CSMD1: variants seen among roughly 807,000 people sequenced by gnomAD.
The protein encoded by CSMD1 is CUB and Sushi multiple domains 1.
Under a neutral mutation model 417.5 loss-of-function variants are expected in CSMD1, and 213 were observed. That is an observed-to-expected ratio of 0.51 (90% CI 0.46 to 0.57). The LOEUF is 0.57. Among genes scored for constraint, CSMD1 ranks in the 20% least tolerant of loss-of-function variants. CSMD1 has a pLI of 0.00. For synonymous variants in CSMD1, 2,862 were observed against 1,736.8 expected (o/e 1.65, Z -16.11); for missense variants, 6,923 against 4,529.7 (o/e 1.53, Z -15.17).
chr8:3,483,403 C>G (rs1194430273), intron 11 of CSMD1, among the ~76,000 whole-genome samples: 1 of 151,890 alleles, frequency 6.6e-6, no homozygotes, highest in African/African-American at 2.4e-5. Context: ...ACTGATTTGT[C>G]AAAAACTATT....
At chr8:4,348,686 A>G (rs1413198536) in intron 3 of CSMD1, among the ~76,000 whole-genome samples, 9 of 151,754 alleles carry the variant, frequency 5.9e-5, no homozygotes, top group East Asian at 1.9e-4. Flanking sequence ...TTGCGTACAT[A>G]TCCGCTTAAG....
At chr8:3,873,898 G>A (rs1805644623) in intron 5 of CSMD1, among the ~76,000 whole-genome samples, 1 of 152,136 alleles carries the variant, frequency 6.6e-6, no homozygotes, top group Non-Finnish European at 1.5e-5. Flanking sequence ...ACTGGGGGAG[G>A]TCACTGATCT....
At chr8:3,461,699 G>A (rs1190653275) in intron 12 of CSMD1, among the ~76,000 whole-genome samples, 2 of 152,196 alleles carry the variant, frequency 1.3e-5, no homozygotes, top group Non-Finnish European at 2.9e-5. Flanking sequence ...CATCCTTGCA[G>A]GAGGACTGGC....
chr8:4,936,750 T>C (rs900219850), intron 1 of CSMD1, among the ~76,000 whole-genome samples: 24 of 152,244 alleles, frequency 1.6e-4, no homozygotes, highest in African/African-American at 5.1e-4. Context: ...AAAACCCATA[T>C]TGGAATTGTC....
At chr8:4,282,862 T>C (rs1185191004) in intron 3 of CSMD1, among the ~76,000 whole-genome samples, 1 of 152,214 alleles carries the variant, frequency 6.6e-6, no homozygotes, top group African/African-American at 2.4e-5. Context: ...GTTCATTTTC[T>C]AAAGATCATA....
At chr8:3,783,738 C>T (rs2720749) in intron 5 of CSMD1, among the ~76,000 whole-genome samples, 25,955 of 152,174 alleles carry the variant, frequency 0.17, 2,484 homozygotes, top group East Asian at 0.3. Context: ...CTTACTCCTG[C>T]TATTCAGATC....
At chr8:4,507,600 T>C (rs901363938) in intron 2 of CSMD1, among the ~76,000 whole-genome samples, 1 of 152,174 alleles carries the variant, frequency 6.6e-6, no homozygotes, top group Non-Finnish European at 1.5e-5. Flanking sequence ...TAATGGGCCA[T>C]TGGTGGAAAC....
intron 5 of CSMD1, among the ~76,000 whole-genome samples, chr8:3,871,032 T>G (rs1356586213): frequency 6.6e-6 from 1 of 152,122 alleles, no homozygotes; most frequent in Non-Finnish European, 1.5e-5. Context: ...TCAATACATA[T>G]AAATCTCCAT....
rs893997738 is a variant in CSMD1 at position 4,071,703 on chromosome 8, T to C, written c.416-39604A>G. On this transcript the variant is annotated intron_variant, in intron 3 of 69. Transcript: ENST00000635120. ...TGTGAATTTGGTTTATTTTTGGAGA[T>C]TTTAGACTCTGTTATGCTCCTCCAA... 1.1e-4 allele frequency among the ~76,000 whole-genome samples: 17 copies of C among 152,204 alleles called. 1 individual carries two copies. The highest frequency in any genetic ancestry group is 3.9e-4 in the African/African-American group (16 of 41,452).
At chr8:3,643,674 C>G (rs943584399) in intron 7 of CSMD1, among the ~76,000 whole-genome samples, 2 of 135,618 alleles carry the variant, frequency 1.5e-5, no homozygotes, top group African/African-American at 5.7e-5. Context: ...GCACCCCAGC[C>G]TGGGCGACAG....
intron 52 of CSMD1, among the ~76,000 whole-genome samples, chr8:3,000,875 A>G (rs1451357206): frequency 6.6e-6 from 1 of 152,236 alleles, no homozygotes; most frequent in Admixed American, 6.5e-5. Context: ...CAGAATGTCC[A>G]TGTAGATAGT....
At chr8:3,679,295 A>G (rs541947752) in intron 7 of CSMD1, among the ~76,000 whole-genome samples, 3 of 152,264 alleles carry the variant, frequency 2.0e-5, no homozygotes, top group Admixed American at 1.3e-4. Context: ...AACCCATCTC[A>G]TGTGCAGAGA....
At chr8:4,712,683 A>T (rs1662535925) in intron 1 of CSMD1, among the ~76,000 whole-genome samples, 1 of 152,198 alleles carries the variant, frequency 6.6e-6, no homozygotes, top group Non-Finnish European at 1.5e-5. Context: ...TTTCACAAAT[A>T]GATAATAATA....
intron 2 of CSMD1, among the ~76,000 whole-genome samples, chr8:4,626,934 T>C (rs1292389121): frequency 6.6e-6 from 1 of 152,162 alleles, no homozygotes; most frequent in Non-Finnish European, 1.5e-5. Context: ...ATAAACAAAG[T>C]GCATCAGATT....
intron 4 of CSMD1, among the ~76,000 whole-genome samples, chr8:4,026,230 G>C (rs1177421404): frequency 1.3e-5 from 2 of 152,122 alleles, no homozygotes; most frequent in Non-Finnish European, 2.9e-5. Flanking sequence ...AAACTGTGCT[G>C]CATCATTCAA....
chr8:4,057,441 T>C (rs1431944537), intron 3 of CSMD1, among the ~76,000 whole-genome samples: 1 of 152,226 alleles, frequency 6.6e-6, no homozygotes, highest in Non-Finnish European at 1.5e-5. Flanking sequence ...TAGCCCTTTG[T>C]CAGATGAGTA....
intron 1 of CSMD1, among the ~76,000 whole-genome samples, chr8:4,753,187 C>G (rs1216417386): frequency 2.0e-5 from 3 of 151,988 alleles, no homozygotes; most frequent in Non-Finnish European, 2.9e-5. Flanking sequence ...GCAATGGAGA[C>G]AGGAGTAAGG....
At chr8:4,096,657 A>T (rs183822659) in intron 3 of CSMD1, among the ~76,000 whole-genome samples, 2 of 152,260 alleles carry the variant, frequency 1.3e-5, no homozygotes, top group Admixed American at 1.3e-4. Context: ...AGATATTTAG[A>T]TAAGAACATA....
At chr8:3,404,856 T>C (rs866665348) in intron 15 of CSMD1, among the ~76,000 whole-genome samples, 2 of 152,196 alleles carry the variant, frequency 1.3e-5, no homozygotes, top group South Asian at 4.1e-4. Flanking sequence ...CCTGTTATTC[T>C]TCATGATTTA....
Sources: gnomAD v4.1 joint callset for allele counts (sites outside exome capture counted in the v4.1 genomes callset) on GRCh38, gnomAD v4.1.1 for gene constraint, MANE v1.5 for transcripts, NCBI Gene and HGNC (gene_info 2026-07-23, HGNC 2026-07-21) for gene names.